The following ZNF490 variants were observed in gnomAD, a reference collection of about 807,000 sequenced individuals.
ZNF490 encodes the protein zinc finger protein 490.
Under a neutral mutation model 17.7 loss-of-function variants are expected in ZNF490, and 11 were observed. The observed-to-expected ratio is 0.62, with a 90% CI of 0.39 to 1.03. The LOEUF is 1.03. Ranked by LOEUF, ZNF490 falls within the 50% of genes least tolerant of loss-of-function variation. The pLI is 0.00. For synonymous variants in ZNF490, 222 were observed against 216.1 expected, an observed-to-expected ratio of 1.03 and a Z score of -0.24; for missense variants, 542 against 643.4, an observed-to-expected ratio of 0.84 and a Z score of 1.71.
chr19:12,607,450 T>G (rs950730711), intron 2 of ZNF490, among the ~76,000 whole-genome samples: 1 of 152,036 alleles, frequency 6.6e-6, no homozygotes, highest in African/African-American at 2.4e-5. Flanking sequence ...GCCTGTGAAG[T>G]TGAGTCTACA....
At chr19:12,588,483 T>C in intron 2 of ZNF490, among the ~76,000 whole-genome samples, 1 of 152,140 alleles carries the variant, frequency 6.6e-6, no homozygotes, top group East Asian at 1.9e-4. Context: ...AGGGGAAAAC[T>C]AATACAACTG....
intron 2 of ZNF490, among the ~76,000 whole-genome samples, chr19:12,608,563 C>G (rs969205191): frequency 6.6e-6 from 1 of 151,970 alleles, no homozygotes; most frequent in Non-Finnish European, 1.5e-5. Context: ...CTCCTCCTCC[C>G]AGATTCAAGT....
rs1028733069 is a variant in ZNF490, at chr19:12,610,025, AAAAC to A, written c.117+535_117+538del. On this transcript the variant is annotated intron_variant, in intron 1 of 4. Transcript: ENST00000311437. ...AAGCAATAAAAACATGCTTAAACTA[AAAAC>A]AAACAAACAAAAAAACAACGAAAAC... The A allele has an allele frequency of 1.4e-3, 611 of 433,648 alleles. 3 individuals carry two copies. Among genetic ancestry groups the A allele is most frequent in the African/African-American group, 0.012 (561 of 48,330 alleles). 26.9% of individuals were successfully genotyped at this position (433,648 alleles called of 1,614,324 possible).
intron 1 of ZNF490, 30 bp from the exon 2 acceptor site, chr19:12,609,232 G>A (rs1341716860): frequency 1.9e-6 from 3 of 1,609,694 alleles, no homozygotes; most frequent in Non-Finnish European, 2.6e-6. Context: ...TGCATTTTGT[G>A]AGTTTCAGCA....
Position 12,581,399 on chromosome 19 carries a change from C to A in ZNF490, c.676G>T (p.Glu226Ter), listed in dbSNP as rs200865674. Residue 226 changes from glutamate to a stop codon, truncating the protein, a stop_gained, in exon 5 of 5, where the codon GAA becomes TAA. Coordinates refer to ENST00000311437, the MANE Select transcript of ZNF490 (RefSeq NM_020714.3). LOFTEE classifies it low-confidence loss of function (END_TRUNC). Reference protein sequence around the residue: ...HTGEKPYECKECGKAFAFLFS... With the variant: ...HTGEKPYECK ...AGAAATGCGAAGGCTTTGCCACATT[C>A]CTTACATTCATAGGGTTTCTCTCCA... The A allele has an allele frequency of 6.2e-7, 1 of 1,613,480 alleles. No individual in the cohort carries two copies. The highest frequency in any genetic ancestry group is 2.2e-5 in the East Asian group (1 of 44,842).
chr19:12,601,807 A>G (rs1253449661), intron 2 of ZNF490, among the ~76,000 whole-genome samples: 2 of 151,774 alleles, frequency 1.3e-5, no homozygotes, highest in Non-Finnish European at 2.9e-5. Context: ...CCTGGCTAAC[A>G]TGGTGAAACC....
At position 12,577,476 on chromosome 19, in the gene ZNF490, G is replaced by A. The variant is rs920808282; in HGVS notation, c.*3009C>T. The A allele has an allele frequency of 1.0e-6, 1 of 985,450 alleles. No individual in the cohort carries two copies. Among genetic ancestry groups the A allele is most frequent in the African/African-American group, 1.7e-5 (1 of 57,362 alleles). 61.0% of individuals were successfully genotyped at this position (985,450 alleles called of 1,614,324 possible). ...TGTGAAAGGACCTGAAATGGGTTGA[G>A]TAATAATGTTCCAACCCCTCATACT... On this transcript the variant is annotated 3_prime_UTR_variant, in exon 5 of 5. Transcript: ENST00000311437.
Position 12,577,482 on chromosome 19 carries a change from A to G in ZNF490, c.*3003T>C. 2.0e-6 allele frequency: 2 copies of G among 985,440 alleles called. No individual in the cohort carries two copies. Among genetic ancestry groups the G allele is most frequent in the Non-Finnish European group, 2.4e-6 (2 of 829,952 alleles). 61.0% of individuals were successfully genotyped at this position (985,440 alleles called of 1,614,324 possible). On this transcript the variant is annotated 3_prime_UTR_variant, in exon 5 of 5. Coordinates refer to ENST00000311437, the MANE Select transcript of ZNF490 (RefSeq NM_020714.3). ...AGGACCTGAAATGGGTTGAGTAATAATGTTCCAACCCCTCATACTACCATA... is the reference window on the plus strand; with the variant it reads ...AGGACCTGAAATGGGTTGAGTAATAGTGTTCCAACCCCTCATACTACCATA...
chr19:12,583,854 A>G (rs1453597262), intron 2 of ZNF490, among the ~76,000 whole-genome samples: 2 of 128,658 alleles, frequency 1.6e-5, no homozygotes, highest in Admixed American at 1.9e-4. Flanking sequence ...TCTGTCGCCC[A>G]GGCTGGAGTG....
At chr19:12,595,185 C>T (rs2022916708) in intron 2 of ZNF490, among the ~76,000 whole-genome samples, 1 of 151,964 alleles carries the variant, frequency 6.6e-6, no homozygotes, top group South Asian at 2.1e-4. Context: ...CTTGTTGTCC[C>T]TGCTGGAGTG....
At position 12,578,139 on chromosome 19, in the gene ZNF490, C is replaced by T; in HGVS notation, c.*2346G>A. The T allele has an allele frequency of 1.0e-6, 1 of 985,500 alleles. No homozygotes were observed. The highest frequency in any genetic ancestry group is 1.2e-6 in the Non-Finnish European group (1 of 830,030). 61.0% of individuals were successfully genotyped at this position (985,500 alleles called of 1,614,324 possible). A position where few individuals can be genotyped will look rare whatever the true frequency, so the allele number is the denominator to read the frequency against. ...CTAGTCTTAGCGGGAGGCTAGGAAA[C>T]CAGTCCTGGAGCAGGATGCATGTGA... On this transcript the variant is annotated 3_prime_UTR_variant, in exon 5 of 5. Transcript: ENST00000311437.
chr19:12,603,034 T>C (rs567200863), intron 2 of ZNF490, among the ~76,000 whole-genome samples: 1 of 152,230 alleles, frequency 6.6e-6, no homozygotes, highest in South Asian at 2.1e-4. Context: ...CAAGTTATAA[T>C]TGAATCAAAC....
rs2022658291 is a variant in ZNF490 at position 12,577,438 on chromosome 19, G to A, written c.*3047C>T. On this transcript the variant is annotated 3_prime_UTR_variant, in exon 5 of 5. Transcript: ENST00000311437. ...TCATCTCTCTACAAAAGCACAACAT[G>A]GCAGCTCAAGAATGTGAAAGGACCT... 1 of 985,194 alleles carries A rather than the reference G, an allele frequency of 1.0e-6. No individual in the cohort carries two copies. The highest frequency in any genetic ancestry group is 1.2e-6 in the Non-Finnish European group (1 of 829,834). 61.0% of individuals were successfully genotyped at this position (985,194 alleles called of 1,614,324 possible). A position where few individuals can be genotyped will look rare whatever the true frequency, so the allele number is the denominator to read the frequency against.
intron 2 of ZNF490, among the ~76,000 whole-genome samples, chr19:12,598,326 A>G (rs2022959564): frequency 6.6e-6 from 1 of 152,130 alleles, no homozygotes; most frequent in Non-Finnish European, 1.5e-5. Context: ...GGGAAAAAAA[A>G]TTGTTAAGTG....
Position 12,578,377 on chromosome 19 carries a change from GGA to G in ZNF490, c.*2106_*2107del. On this transcript the variant is annotated 3_prime_UTR_variant, in exon 5 of 5. Coordinates refer to ENST00000311437, the MANE Select transcript of ZNF490 (RefSeq NM_020714.3). The stretch of plus-strand genomic sequence containing the variant: ...GGTTGGTGCAGGGCTGGTAACCGCA[GGA>G]GAGTGGATGCTGTGTGGTCAAGGGG... The G allele has an allele frequency of 1.0e-6, 1 of 985,664 alleles. No homozygotes were observed. Among genetic ancestry groups the G allele is most frequent in the African/African-American group, 1.7e-5 (1 of 57,370 alleles). 61.1% of individuals were successfully genotyped at this position (985,664 alleles called of 1,614,324 possible).
intron 2 of ZNF490, among the ~76,000 whole-genome samples, chr19:12,587,951 C>A (rs1220957951): frequency 1.1e-5 from 1 of 94,540 alleles, no homozygotes; most frequent in East Asian, 2.0e-4. Flanking sequence ...CTCGCTACAA[C>A]CTCCGCCTCC....
Position 12,579,746 on chromosome 19 carries a change from G to GT in ZNF490, c.*738dup, listed in dbSNP as rs1329562839. 1 of 152,270 alleles carries GT rather than the reference G, an allele frequency of 6.6e-6. No individual in the cohort carries two copies. The highest frequency in any genetic ancestry group is 2.4e-5 in the African/African-American group (1 of 41,416). The allele number at this position is 152,270 out of a possible 1,614,324, so 9.4% of individuals were successfully genotyped here. A position where few individuals can be genotyped will look rare whatever the true frequency, so the allele number is the denominator to read the frequency against. On this transcript the variant is annotated 3_prime_UTR_variant, in exon 5 of 5. Coordinates refer to ENST00000311437, the MANE Select transcript of ZNF490 (RefSeq NM_020714.3). The stretch of plus-strand genomic sequence containing the variant: ...GAATTGCTTGAACCCAGAGGTTACA[G>GT]TGAGCCAGGATCACACCACTGCACT...
rs1599305610 is a variant in ZNF490 at position 12,582,890 on chromosome 19, C to G, written c.310G>C (p.Asp104His). The G allele has an allele frequency of 6.2e-7, 1 of 1,612,518 alleles. No homozygotes were observed. The highest frequency in any genetic ancestry group is 8.5e-7 in the Non-Finnish European group (1 of 1,179,424). ...TGGTTTTTGTGTTCATCTTCAATAT[C>G]CTGGTCTTTCCATTTTTCCCCTAAA... ...ACIGEKWKDQ[D>H]IEDEHKNQGR... Residue 104 changes from aspartate (D) to histidine (H), a missense_variant, in exon 4 of 5, where the codon GAT becomes CAT. Transcript: ENST00000311437.
intron 2 of ZNF490, among the ~76,000 whole-genome samples, chr19:12,605,578 A>G (rs2023058033): frequency 6.6e-6 from 1 of 152,140 alleles, no homozygotes; most frequent in Admixed American, 6.6e-5. Context: ...ATCAAACCCA[A>G]AGAGTGGGTC....
Sources: allele counts gnomAD v4.1 joint callset (sites outside exome capture counted in the v4.1 genomes callset), GRCh38; gene constraint gnomAD v4.1.1; transcripts MANE v1.5; gene names NCBI Gene and HGNC (gene_info 2026-07-23, HGNC 2026-07-21).